NCKAP5: variants seen among roughly 807,000 people sequenced by gnomAD.
NCKAP5 encodes NCK associated protein 5.
Under a neutral mutation model 167.0 loss-of-function variants are expected in NCKAP5, and 92 were observed. The ratio of observed to expected loss-of-function variants is 0.55; its 90% confidence interval spans 0.47 to 0.66. The LOEUF is 0.66. NCKAP5 is among the 30% of genes least tolerant of loss of function. The pLI is 0.00. For missense variants in NCKAP5, 2,378 were observed against 2,315.0 expected (o/e 1.03, Z -0.56); for synonymous variants, 891 against 877.4 (o/e 1.02, Z -0.27).
chr2:132,790,171 C>T lies in NCKAP5; in HGVS notation c.944G>A (p.Cys315Tyr). Reference sequence around the variant, plus strand: ...AGGGATGACAGCCCCCAAGCCAGGGCATTTCAAGGCCGATTTTGTATTTAG... The same window carrying T: ...AGGGATGACAGCCCCCAAGCCAGGGTATTTCAAGGCCGATTTTGTATTTAG... ...HQLNTKSALK[C>Y]PGLGAVIPGH... is the part of the protein sequence containing the mutation. The change falls in exon 13 of 20, where the codon TGC (cysteine) becomes TAC (tyrosine). Residue 315 changes from cysteine to tyrosine, a missense_variant. This residue lies in a region of NCKAP5 where 1,049 missense variants were observed against 1,023.4 expected (regional missense o/e 1.02). Transcript: ENST00000409261. 6.2e-7 allele frequency: 1 copy of T among 1,613,502 alleles called. No individual in the cohort carries two copies. The highest frequency in any genetic ancestry group is 1.1e-5 in the South Asian group (1 of 90,896).
chr2:133,106,004 C>T (rs1389251278), intron 6 of NCKAP5, among the ~76,000 whole-genome samples: 1 of 152,006 alleles, frequency 6.6e-6, no homozygotes, highest in East Asian at 1.9e-4. Context: ...TAAACCCGTC[C>T]CTCCTTTGGA....
intron 3 of NCKAP5, among the ~76,000 whole-genome samples, chr2:133,501,378 T>C (rs559641671): frequency 7.9e-5 from 12 of 152,296 alleles, no homozygotes; most frequent in African/African-American, 2.2e-4. Context: ...CTAAGTGCCA[T>C]TATAAAATTG....
intron 11 of NCKAP5, among the ~76,000 whole-genome samples, chr2:132,832,221 C>T (rs1040792031): frequency 6.6e-6 from 1 of 152,002 alleles, no homozygotes; most frequent in African/African-American, 2.4e-5. Flanking sequence ...ATTGAGTCTT[C>T]CCATGCATGG....
intron 4 of NCKAP5, among the ~76,000 whole-genome samples, chr2:133,231,431 A>G (rs2087142913): frequency 6.6e-6 from 1 of 152,170 alleles, no homozygotes; most frequent in South Asian, 2.1e-4. Context: ...AGGGGTTACT[A>G]GGGAAGGTGA....
intron 11 of NCKAP5, among the ~76,000 whole-genome samples, chr2:132,820,292 C>G (rs1686616387): frequency 6.6e-6 from 1 of 151,484 alleles, no homozygotes; most frequent in Non-Finnish European, 1.5e-5. Context: ...TGTGGTGGTG[C>G]AATCTCAGCT....
intron 11 of NCKAP5, among the ~76,000 whole-genome samples, chr2:132,830,709 AC>A (rs1687462299): frequency 6.6e-6 from 1 of 152,180 alleles, no homozygotes. Flanking sequence ...CTGACCGATC[AC>A]TTCCTGCAGT....
At chr2:133,383,885 A>G (rs1574845626) in intron 3 of NCKAP5, among the ~76,000 whole-genome samples, 2 of 152,128 alleles carry the variant, frequency 1.3e-5, no homozygotes, top group African/African-American at 2.4e-5. Flanking sequence ...GTCTGTTCAT[A>G]TCCTTCGCCC....
chr2:132,886,330 A>G (rs574391139), intron 8 of NCKAP5, among the ~76,000 whole-genome samples: 1 of 152,372 alleles, frequency 6.6e-6, no homozygotes, highest in Non-Finnish European at 1.5e-5. Flanking sequence ...TGAGAGTAAG[A>G]TGAAGACACA....
intron 18 of NCKAP5, among the ~76,000 whole-genome samples, chr2:132,727,911 G>A (rs534232414): frequency 6.6e-6 from 1 of 152,330 alleles, no homozygotes; most frequent in South Asian, 2.1e-4. Flanking sequence ...CTGAGTGAGG[G>A]AGACCTCAGA....
At chr2:133,626,287 G>A in the NCKAP5 span, among the ~76,000 whole-genome samples, 1 of 151,980 alleles carries the variant, frequency 6.6e-6, no homozygotes, top group African/African-American at 2.4e-5. Context: ...AATATTTTTT[G>A]TCCCAAAATT....
At chr2:133,656,167 A>T in the NCKAP5 span, among the ~76,000 whole-genome samples, 1 of 152,220 alleles carries the variant, frequency 6.6e-6, no homozygotes, top group Non-Finnish European at 1.5e-5. Context: ...ATAGTTAAAC[A>T]GACCTGAGTT....
the NCKAP5 span, among the ~76,000 whole-genome samples, chr2:133,595,198 G>T: frequency 2.6e-5 from 4 of 152,064 alleles, no homozygotes; most frequent in Non-Finnish European, 5.9e-5. Context: ...AGTGTTATGC[G>T]CATTGATACC....
intron 8 of NCKAP5, among the ~76,000 whole-genome samples, chr2:132,913,857 C>T (rs990497033): frequency 2.0e-5 from 3 of 152,116 alleles, no homozygotes. Flanking sequence ...TTCTCTCTAT[C>T]CTCTATTAGC....
chr2:133,656,424 T>A, the NCKAP5 span, among the ~76,000 whole-genome samples: 5 of 152,250 alleles, frequency 3.3e-5, no homozygotes, highest in African/African-American at 9.6e-5. Flanking sequence ...AACGGAATCC[T>A]GTTATAACAA....
chr2:133,625,959 T>G, the NCKAP5 span, among the ~76,000 whole-genome samples: 19 of 152,122 alleles, frequency 1.2e-4, no homozygotes, highest in African/African-American at 4.3e-4. Context: ...CACTAAAAAT[T>G]TTTTTAAACT....
At chr2:133,488,774 GGCATGGTGGCAC>G (rs1681149588) in intron 3 of NCKAP5, among the ~76,000 whole-genome samples, 1 of 152,034 alleles carries the variant, frequency 6.6e-6, no homozygotes, top group Non-Finnish European at 1.5e-5. Context: ...AAATTAGCCG[GGCATGGTGGCAC>G]GCACCTATAG....
At chr2:133,673,967 C>A in the NCKAP5 span, among the ~76,000 whole-genome samples, 1 of 152,176 alleles carries the variant, frequency 6.6e-6, no homozygotes, top group African/African-American at 2.4e-5. Context: ...CCCTGCTCAG[C>A]CATACTCCAA....
intron 8 of NCKAP5, among the ~76,000 whole-genome samples, chr2:132,896,381 G>C (rs77773829): frequency 0.016 from 2,440 of 152,282 alleles, 50 homozygotes; most frequent in African/African-American, 0.056. Context: ...AGCACTAACA[G>C]ATTCATACAC....
At chr2:133,599,862 C>G in the NCKAP5 span, among the ~76,000 whole-genome samples, 1 of 152,250 alleles carries the variant, frequency 6.6e-6, no homozygotes, top group African/African-American at 2.4e-5. Flanking sequence ...GGGAGAGGGG[C>G]TTTCCCAGTG....
Sources: allele counts gnomAD v4.1 joint callset (sites outside exome capture counted in the v4.1 genomes callset), GRCh38; gene constraint gnomAD v4.1.1; regional missense constraint gnomAD v4.1.1; transcripts MANE v1.5; gene names NCBI Gene and HGNC (gene_info 2026-07-23, HGNC 2026-07-21).